Variants in MYO16 observed in about 807,000 individuals in gnomAD.
MYO16 encodes the protein myosin XVI.
In MYO16, 94 loss-of-function variants were observed where a neutral mutation model predicts 205.3. The observed-to-expected ratio is 0.46, with a 90% CI of 0.39 to 0.54. The LOEUF is 0.54. Among genes scored for constraint, MYO16 ranks in the 20% least tolerant of loss-of-function variants. The pLI, the probability that MYO16 is intolerant of heterozygous loss-of-function variation, is 0.00. For synonymous variants in MYO16, 988 were observed against 954.0 expected, an observed-to-expected ratio of 1.04 and a Z score of -0.66; for missense variants, 2,315 against 2,387.5, an observed-to-expected ratio of 0.97 and a Z score of 0.63.
intron 4 of MYO16, among the ~76,000 whole-genome samples, chr13:108,750,135 T>C (rs559245581): frequency 6.6e-6 from 1 of 152,166 alleles, no homozygotes; most frequent in Non-Finnish European, 1.5e-5. Flanking sequence ...GAATGAAGCT[T>C]AGGGGATTTT....
rs558402253 is a variant in MYO16, at chr13:109,133,462, C to T, written c.4051+5912C>T. Among the ~76,000 whole-genome samples, 25 of 152,300 alleles carry T rather than the reference C, an allele frequency of 1.6e-4. No homozygotes were observed. The South Asian group carries it at 5.2e-3, about 32-fold the overall frequency. On this transcript the variant is annotated intron_variant, in intron 31 of 34. Transcript: ENST00000457511. The stretch of plus-strand genomic sequence containing the variant: ...GCACAGAAGATGACTTAAAAGTCAC[C>T]GACATGCCTTAGCAAAAATACCAAA...
At chr13:108,581,907 A>G in the MYO16 span, among the ~76,000 whole-genome samples, 1 of 151,304 alleles carries the variant, frequency 6.6e-6, no homozygotes, top group African/African-American at 2.4e-5. Flanking sequence ...AAAAAAAAAG[A>G]AAAAGAAAAA....
At chr13:109,137,383 T>G (rs1428644753) in intron 31 of MYO16, among the ~76,000 whole-genome samples, 1 of 152,246 alleles carries the variant, frequency 6.6e-6, no homozygotes, top group Non-Finnish European at 1.5e-5. Context: ...AAAATATTAT[T>G]GAAGCCAGCT....
intron 31 of MYO16, among the ~76,000 whole-genome samples, chr13:109,139,417 C>T (rs568988032): frequency 1.3e-5 from 2 of 152,306 alleles, no homozygotes; most frequent in South Asian, 4.1e-4. Context: ...AGAATCCACA[C>T]CTAAGTGTGT....
Position 108,798,389 on chromosome 13 carries a change from T to G in MYO16, c.741+4749T>G, listed in dbSNP as rs190737913. Among the ~76,000 whole-genome samples, 959 of 152,322 alleles carry G rather than the reference T, an allele frequency of 6.3e-3. 4 individuals are homozygous for G. The highest frequency in any genetic ancestry group is 0.01 in the Non-Finnish European group (708 of 68,024). On this transcript the variant is annotated intron_variant, in intron 6 of 34. Transcript: ENST00000457511. Reference sequence around the variant, plus strand: ...GAATAAAATTCTAATAAGACGGGTTTGGAGTTGCCTTTACCTTCTTTATTA... The same window carrying G: ...GAATAAAATTCTAATAAGACGGGTTGGGAGTTGCCTTTACCTTCTTTATTA...
chr13:108,543,439 T>C, the MYO16 span, among the ~76,000 whole-genome samples: 24 of 151,554 alleles, frequency 1.6e-4, no homozygotes, highest in Non-Finnish European at 3.2e-4. Context: ...GGTTGGGAGA[T>C]CGAGACCATC....
At chr13:108,824,994 C>A (rs933246192) in intron 9 of MYO16, among the ~76,000 whole-genome samples, 28 of 152,010 alleles carry the variant, frequency 1.8e-4, no homozygotes, top group African/African-American at 6.8e-4. Context: ...AGAATTAACG[C>A]CAATCTGTCA....
intron 3 of MYO16, among the ~76,000 whole-genome samples, chr13:108,726,316 T>C (rs1884333830): frequency 6.6e-6 from 1 of 152,076 alleles, no homozygotes; most frequent in African/African-American, 2.4e-5. Flanking sequence ...ATCCCAGCAC[T>C]TTGGGAGGCC....
intron 6 of MYO16, among the ~76,000 whole-genome samples, chr13:108,793,866 A>G (rs34309114): frequency 0.079 from 11,988 of 152,232 alleles, 610 homozygotes; most frequent in Non-Finnish European, 0.12. Flanking sequence ...ATTCTACCAT[A>G]GACACACGCA....
chr13:109,203,329 A>C (rs1880471663), intron 34 of MYO16, among the ~76,000 whole-genome samples: 1 of 152,240 alleles, frequency 6.6e-6, no homozygotes, highest in South Asian at 2.1e-4. Context: ...AGAATCTACA[A>C]GGAGCTCAAA....
intron 2 of MYO16, among the ~76,000 whole-genome samples, chr13:108,683,794 C>G (rs1285992248): frequency 1.3e-5 from 2 of 152,098 alleles, no homozygotes; most frequent in African/African-American, 4.8e-5. Context: ...GGTGTGTGTC[C>G]CCTGAACTTC....
chr13:108,564,248 A>G, the MYO16 span, among the ~76,000 whole-genome samples: 2 of 145,610 alleles, frequency 1.4e-5, no homozygotes, highest in African/African-American at 5.1e-5. Flanking sequence ...TTGGCTCACC[A>G]CAACCTCCAT....
At chr13:109,097,823 A>G (rs1888826115) in intron 27 of MYO16, among the ~76,000 whole-genome samples, 1 of 152,210 alleles carries the variant, frequency 6.6e-6, no homozygotes, top group Non-Finnish European at 1.5e-5. Flanking sequence ...CATCTATGAG[A>G]AGAAAGGGTG....
At chr13:108,659,133 G>A (rs1029426404) in intron 1 of MYO16, among the ~76,000 whole-genome samples, 1 of 148,174 alleles carries the variant, frequency 6.7e-6, no homozygotes, top group African/African-American at 2.5e-5. Flanking sequence ...ATAATGTCTC[G>A]ACATCATGAC....
rs774060871 is a variant in MYO16, at chr13:108,883,110, C to G, written c.1477C>G (p.Pro493Ala). 3.7e-6 allele frequency: 6 copies of G among 1,614,006 alleles called. No homozygotes were observed. Among genetic ancestry groups the G allele is most frequent in the Non-Finnish European group, 5.1e-6 (6 of 1,180,008 alleles). ...SSGKLCSSLP[P>A]HLFSCVERAF... ...AGGGAAGCTGTGTTCCTCGCTGCCT[C>G]CTCACCTCTTCTCCTGTGTGGAGAG... The change falls in exon 13 of 35, where the codon CCT becomes GCT. Residue 493 changes from proline to alanine, a missense_variant. By Grantham distance (27) the Pro-to-Ala change is conservative (BLOSUM62 -1). Around this residue, in one of 3 missense-constraint regions of MYO16, gnomAD observed 1,213 missense variants for 1,274.4 expected, o/e 0.95. Coordinates refer to ENST00000457511, the MANE Select transcript of MYO16 (RefSeq NM_001198950.3).
At chr13:108,654,262 T>A (rs1252423295) in intron 1 of MYO16, among the ~76,000 whole-genome samples, 1 of 152,162 alleles carries the variant, frequency 6.6e-6, no homozygotes, top group Non-Finnish European at 1.5e-5. Context: ...TTCCCACATG[T>A]TGTGGGAGGA....
At chr13:109,080,781 A>T (rs1471765866) in intron 27 of MYO16, among the ~76,000 whole-genome samples, 1 of 152,156 alleles carries the variant, frequency 6.6e-6, no homozygotes, top group Non-Finnish European at 1.5e-5. Flanking sequence ...TACGCTTTTT[A>T]AAAATTACCT....
chr13:109,051,154 T>A (rs7997013), intron 24 of MYO16, among the ~76,000 whole-genome samples: 54,644 of 151,960 alleles, frequency 0.36, 10,724 homozygotes, highest in East Asian at 0.83. Flanking sequence ...TTTCTCTTGC[T>A]ATCTCTAATT....
At chr13:108,701,110 A>T (rs1196412772) in intron 2 of MYO16, among the ~76,000 whole-genome samples, 2 of 152,164 alleles carry the variant, frequency 1.3e-5, no homozygotes, top group Non-Finnish European at 2.9e-5. Flanking sequence ...GCTACACATG[A>T]TACGTAATAT....
Sources: gnomAD v4.1 joint callset for allele counts (sites outside exome capture counted in the v4.1 genomes callset) on GRCh38, gnomAD v4.1.1 for gene constraint, gnomAD v4.1.1 regional missense constraint, MANE v1.5 for transcripts, NCBI Gene and HGNC (gene_info 2026-07-23, HGNC 2026-07-21) for gene names.